The following DRC1 variants were observed in gnomAD, a reference collection of about 807,000 sequenced individuals.
DRC1 encodes the protein dynein regulatory complex subunit 1.
In DRC1, 74 loss-of-function variants were observed where a neutral mutation model predicts 98.7. That is an observed-to-expected ratio of 0.75 (90% CI 0.62 to 0.91). The LOEUF (loss-of-function observed/expected upper bound fraction) is 0.91, where lower values mean the gene tolerates loss of function less well. DRC1 is among the 40% of genes least tolerant of loss of function. The probability of loss-of-function intolerance (pLI) is 0.00; values close to 1 mark genes in which losing one functional copy is unlikely to be tolerated. For synonymous variants in DRC1, 336 were observed against 334.1 expected, an observed-to-expected ratio of 1.01 and a Z score of -0.06; for missense variants, 875 against 886.0, an observed-to-expected ratio of 0.99 and a Z score of 0.16.
chr2:26,454,941 C>T lies in DRC1; in HGVS notation c.2063+151C>T, dbSNP rs182479884. 265 of 1,425,914 alleles carry T rather than the reference C, an allele frequency of 1.9e-4. 1 individual carries two copies. The East Asian group carries it at 4.5e-3, about 24-fold the overall frequency. The allele number at this position is 1,425,914 out of a possible 1,614,324, so 88.3% of individuals were successfully genotyped here. A position where few individuals can be genotyped will look rare whatever the true frequency, so the allele number is the denominator to read the frequency against. ...TCCTGTGTGGGTGGATCATGTGGGG[C>T]AGTTGGCTCTTGGGCCCTGGCCTGC... is the stretch of plus-strand genomic sequence containing the variant. On this transcript the variant is annotated intron_variant, in intron 15 of 16. Coordinates refer to ENST00000288710, the MANE Select transcript of DRC1 (RefSeq NM_145038.5). The surrounding 1 kb of genome is among the most constrained non-coding windows in gnomAD (Gnocchi z 5.2).
intron 2 of DRC1, among the ~76,000 whole-genome samples, chr2:26,420,451 T>G (rs1663101371): frequency 6.6e-6 from 1 of 152,168 alleles, no homozygotes; most frequent in Non-Finnish European, 1.5e-5. Context: ...CAACTGAGGT[T>G]CTTCGAAAGG....
At chr2:26,451,122 T>C (rs890604603) in intron 13 of DRC1, among the ~76,000 whole-genome samples, 1 of 152,206 alleles carries the variant, frequency 6.6e-6, no homozygotes, top group Non-Finnish European at 1.5e-5. Context: ...GGGGCTTTTA[T>C]GTCAGGTATA....
intron 8 of DRC1, among the ~76,000 whole-genome samples, chr2:26,442,344 T>A (rs1435147697): frequency 1.3e-5 from 2 of 152,364 alleles, no homozygotes; most frequent in Admixed American, 1.3e-4. Context: ...AGTAGGATAC[T>A]GATGATGCCC....
At position 26,418,564 on chromosome 2, in the gene DRC1, ATAATATATAT is replaced by A. The variant is rs1161046848; in HGVS notation, c.244-2721_244-2712del. Among the ~76,000 whole-genome samples, 30 of 109,752 alleles carry A rather than the reference ATAATATATAT, an allele frequency of 2.7e-4. 1 individual carries two copies. Among genetic ancestry groups the A allele is most frequent in the Non-Finnish European group, 4.7e-4 (28 of 59,942 alleles). The allele number at this position is 109,752 out of a possible 152,430, so 72.0% of individuals were successfully genotyped here. A position where few individuals can be genotyped will look rare whatever the true frequency, so the allele number is the denominator to read the frequency against. ...ATTATAAATTATATATAATTTATAT[ATAATATATAT>A]TATATATAAATTATATATAATTTAT... is the stretch of plus-strand genomic sequence containing the variant. On this transcript the variant is annotated intron_variant, in intron 2 of 16. Transcript: ENST00000288710.
At chr2:26,428,623 C>G (rs1236680035) in intron 4 of DRC1, among the ~76,000 whole-genome samples, 1 of 152,108 alleles carries the variant, frequency 6.6e-6, no homozygotes, top group Non-Finnish European at 1.5e-5. Context: ...ACGGTGAAAC[C>G]CTGTCTCTAC....
At position 26,424,409 on chromosome 2, in the gene DRC1, T is replaced by C. The variant is rs7423300; in HGVS notation, c.495T>C (p.Ala165=). 1 of 1,613,374 alleles carries C rather than the reference T, an allele frequency of 6.2e-7. No individual in the cohort carries two copies. The highest frequency in any genetic ancestry group is 8.5e-7 in the Non-Finnish European group (1 of 1,179,976). ...EMLNTQQLHC[A]GLLEDKNKLI... ...TCAATACCCAACAGCTGCACTGTGC[T>C]GGACTCTTAGAAGATAAGAATAAAC... The change falls in exon 4 of 17, where the codon GCT becomes GCC. Residue 165 remains alanine, a synonymous_variant. Coordinates refer to ENST00000288710, the MANE Select transcript of DRC1 (RefSeq NM_145038.5).
At chr2:26,421,771 G>C (rs1663149676) in intron 3 of DRC1, among the ~76,000 whole-genome samples, 1 of 152,060 alleles carries the variant, frequency 6.6e-6, no homozygotes, top group East Asian at 1.9e-4. Flanking sequence ...TGTTGGCCAG[G>C]CTGGTCTCGA....
chr2:26,453,214 G>A, intron 13 of DRC1, 106 bp from the exon 14 acceptor site: 1 of 1,349,902 alleles, frequency 7.4e-7, no homozygotes, highest in South Asian at 1.4e-5. Flanking sequence ...CCCTGGGCAA[G>A]CTGTCACTTT....
At chr2:26,452,479 C>G (rs145049946) in intron 13 of DRC1, among the ~76,000 whole-genome samples, 3 of 152,100 alleles carry the variant, frequency 2.0e-5, no homozygotes, top group Non-Finnish European at 4.4e-5. Flanking sequence ...AGGCTGCTCT[C>G]GAACTCCTGA....
rs753979472 is a variant in DRC1, at chr2:26,450,065, AG to A, written c.1581del (p.Arg527SerfsTer21). 1 of 1,613,532 alleles carries A rather than the reference AG, an allele frequency of 6.2e-7. No individual in the cohort carries two copies. Reference protein sequence around the residue: ...PLEQNECYLLRLDAIFSALGI... With the variant: ...PLEQNECYLLXLDAIFSALGI... ...GGAGCAGAATGAATGCTATCTGCTG[AG>A]GCTGGATGCCATCTTCTCCGTGAGT... On this transcript the variant is annotated frameshift_variant, in exon 12 of 17. Coordinates refer to ENST00000288710, the MANE Select transcript of DRC1 (RefSeq NM_145038.5). LOFTEE classifies it high-confidence loss of function.
Position 26,430,860 on chromosome 2 carries a change from T to C in DRC1, c.753T>C (p.His251=). ...KKKWEQALQA[H]NAKELEYLNN... ...AATGGGAGCAAGCCCTTCAGGCTCA[T>C]AATGCCAAAGAGGTAAAGGGTGGAG... Residue 251 remains histidine (H), a synonymous_variant, in exon 6 of 17, where the codon CAT becomes CAC. Transcript: ENST00000288710. The C allele has an allele frequency of 6.2e-7, 1 of 1,613,376 alleles. No individual in the cohort carries two copies. The highest frequency in any genetic ancestry group is 1.1e-5 in the South Asian group (1 of 91,068).
At chr2:26,414,256 C>A in intron 1 of DRC1, 88 bp from the exon 2 acceptor site, 1 of 1,333,950 alleles carries the variant, frequency 7.5e-7, no homozygotes, top group Admixed American at 1.9e-5. Context: ...GGATTACAGG[C>A]ATGAGCTACT....
chr2:26,423,960 C>A (rs1457817873), intron 3 of DRC1, among the ~76,000 whole-genome samples: 1 of 152,194 alleles, frequency 6.6e-6, no homozygotes, highest in Non-Finnish European at 1.5e-5. Context: ...GTGTTATCAT[C>A]TTACTCAGAA....
chr2:26,436,127 C>CT (rs536627061), intron 7 of DRC1, among the ~76,000 whole-genome samples: 3,788 of 142,800 alleles, frequency 0.027, 120 homozygotes, highest in African/African-American at 0.082. Context: ...TCTCCTGTTT[C>CT]TTTTTTTTTT....
chr2:26,406,538 T>C (rs1356158393), intron 1 of DRC1, among the ~76,000 whole-genome samples: 3 of 151,594 alleles, frequency 2.0e-5, no homozygotes, highest in African/African-American at 7.3e-5. Context: ...GTGAAACCCC[T>C]GTCTCTACTA....
At chr2:26,452,432 G>T (rs934003401) in intron 13 of DRC1, among the ~76,000 whole-genome samples, 1 of 152,142 alleles carries the variant, frequency 6.6e-6, no homozygotes. Context: ...GCTAATTTTT[G>T]TATTTTTAGT....
chr2:26,443,866 G>A (rs899545178), intron 8 of DRC1, among the ~76,000 whole-genome samples: 13 of 152,072 alleles, frequency 8.5e-5, no homozygotes, highest in African/African-American at 2.7e-4. Flanking sequence ...CAATGAAATC[G>A]TTGAGATAGA....
chr2:26,406,238 C>T (rs1244450182), intron 1 of DRC1, among the ~76,000 whole-genome samples: 4 of 152,174 alleles, frequency 2.6e-5, no homozygotes, highest in Non-Finnish European at 5.9e-5. Flanking sequence ...TTACTACTGA[C>T]ATTGTTTCGA....
intron 13 of DRC1, 102 bp from the exon 14 acceptor site, chr2:26,453,218 T>C (rs903632969): frequency 1.5e-5 from 21 of 1,403,148 alleles, no homozygotes; most frequent in Admixed American, 4.0e-5. Flanking sequence ...GGGCAAGCTG[T>C]CACTTTCTGT....
Sources: allele counts gnomAD v4.1 joint callset (sites outside exome capture counted in the v4.1 genomes callset), GRCh38; gene constraint gnomAD v4.1.1; non-coding constraint Gnocchi (gnomAD v3.1); transcripts MANE v1.5; gene names NCBI Gene and HGNC (gene_info 2026-07-23, HGNC 2026-07-21).